Variants in ELP4 observed in about 807,000 individuals in gnomAD.
ELP4 encodes the protein elongator acetyltransferase complex subunit 4.
ELP4 carries 51 observed loss-of-function variants against 48.9 expected under a neutral mutation model. The observed-to-expected ratio is 1.04, with a 90% confidence interval of 0.83 to 1.32. The LOEUF is 1.32. Ranked by LOEUF, ELP4 falls within the 40% of genes most tolerant of loss-of-function variation. The pLI is 0.00. For synonymous variants in ELP4, 210 were observed against 189.2 expected (o/e 1.11, Z -0.90); for missense variants, 519 against 514.6 (o/e 1.01, Z -0.08).
chr11:31,752,602 A>T (rs1049074301), intron 9 of ELP4, among the ~76,000 whole-genome samples: 1 of 152,096 alleles, frequency 6.6e-6, no homozygotes, highest in Non-Finnish European at 1.5e-5. Context: ...TGGGAGGCCG[A>T]GGCGGACGGA....
Position 31,543,988 on chromosome 11 carries a change from A to T in ELP4, c.381+4205A>T, listed in dbSNP as rs933183611. 3.3e-5 allele frequency among the ~76,000 whole-genome samples: 5 copies of T among 152,254 alleles called. No individual in the cohort carries two copies. In the East Asian group the frequency reaches 9.6e-4, roughly 29 times the overall value. ...AAGTTTTTCACAAAAAAATCAAAAT[A>T]ATGCCAAATGTGGAAAAAGATCGGG... On this transcript the variant is annotated intron_variant, in intron 3 of 9. Coordinates refer to ENST00000640961, the MANE Select transcript of ELP4 (RefSeq NM_019040.5).
intron 3 of ELP4, among the ~76,000 whole-genome samples, chr11:31,586,646 T>G (rs1029749851): frequency 6.6e-6 from 1 of 150,786 alleles, no homozygotes; most frequent in Non-Finnish European, 1.5e-5. Flanking sequence ...GTTTTTTGGT[T>G]TTTTTTTTTG....
At chr11:31,518,978 A>T (rs914873837) in intron 1 of ELP4, among the ~76,000 whole-genome samples, 3 of 150,470 alleles carry the variant, frequency 2.0e-5, no homozygotes, top group East Asian at 3.9e-4. Context: ...CATGCAGATT[A>T]TTTTTTTTGT....
chr11:31,522,676 T>C (rs144786045), intron 2 of ELP4, among the ~76,000 whole-genome samples: 169 of 152,304 alleles, frequency 1.1e-3, no homozygotes, highest in African/African-American at 3.9e-3. Context: ...ACTTGCTTCA[T>C]TGCAGCATGT....
chr11:31,646,236 C>G (rs746980156), intron 7 of ELP4: 1 of 151,704 alleles, frequency 6.6e-6, no homozygotes, highest in African/African-American at 2.4e-5. Flanking sequence ...AGTGTGCCCA[C>G]GTGATTGAAC....
At chr11:31,627,061 C>A in intron 5 of ELP4, 49 bp from the exon 6 acceptor site, 1 of 1,013,734 alleles carries the variant, frequency 9.9e-7, no homozygotes, top group Non-Finnish European at 1.6e-6. Context: ...TTGTGTACTT[C>A]TTATGTAATA....
At chr11:31,524,325 T>C (rs1312606298) in intron 2 of ELP4, among the ~76,000 whole-genome samples, 2 of 152,234 alleles carry the variant, frequency 1.3e-5, no homozygotes, top group African/African-American at 4.8e-5. Context: ...CTATCTGCTT[T>C]CAAGCTCGTG....
chr11:31,580,127 C>G lies in ELP4; in HGVS notation c.382-14643C>G, dbSNP rs537561631. ...TGATTTCTTTCCTGTAGTGTTACAA[C>G]TCCCGCTTCAGAGAAGGCCTCTTGG... On this transcript the variant is annotated intron_variant, in intron 3 of 9. Transcript: ENST00000640961. Among the ~76,000 whole-genome samples, 16 of 152,236 alleles carry G rather than the reference C, an allele frequency of 1.1e-4. 1 individual carries two copies. In the South Asian group the frequency reaches 3.3e-3, roughly 32 times the overall value.
intron 3 of ELP4, among the ~76,000 whole-genome samples, chr11:31,545,559 T>C (rs1956689146): frequency 6.6e-6 from 1 of 152,188 alleles, no homozygotes; most frequent in Non-Finnish European, 1.5e-5. Flanking sequence ...GAAAACACTC[T>C]GCAGGATATT....
At chr11:31,652,458 G>C (rs1945340675) in intron 9 of ELP4, 1 of 151,646 alleles carries the variant, frequency 6.6e-6, no homozygotes, top group African/African-American at 2.4e-5. Flanking sequence ...GCAAGTCTTT[G>C]TAATATATTA....
intron 5 of ELP4, among the ~76,000 whole-genome samples, chr11:31,623,258 C>G (rs1201099603): frequency 6.7e-6 from 1 of 148,506 alleles, no homozygotes; most frequent in Non-Finnish European, 1.5e-5. Flanking sequence ...GCCTACACTA[C>G]TAAACACACA....
At chr11:31,524,606 A>C (rs1956269348) in intron 2 of ELP4, among the ~76,000 whole-genome samples, 2 of 152,352 alleles carry the variant, frequency 1.3e-5, no homozygotes, top group South Asian at 4.1e-4. Flanking sequence ...GGACCACCTT[A>C]GAATGTGTTC....
intron 3 of ELP4, among the ~76,000 whole-genome samples, chr11:31,549,771 A>G (rs982824765): frequency 6.6e-6 from 1 of 152,254 alleles, no homozygotes; most frequent in Non-Finnish European, 1.5e-5. Context: ...GATTAAGAAA[A>G]TGTGGCACAT....
intron 9 of ELP4, among the ~76,000 whole-genome samples, chr11:31,766,104 A>G (rs1026531685): frequency 3.3e-5 from 5 of 152,084 alleles, no homozygotes; most frequent in Non-Finnish European, 7.4e-5. Context: ...AAAAATTGTT[A>G]GGGAATCAAA....
At chr11:31,779,472 CAGAA>C (rs1242121542) in intron 9 of ELP4, among the ~76,000 whole-genome samples, 1 of 152,122 alleles carries the variant, frequency 6.6e-6, no homozygotes, top group Non-Finnish European at 1.5e-5. Flanking sequence ...GCTGCTGACT[CAGAA>C]GGAACAAAAT....
chr11:31,512,305 C>T (rs541237165), intron 1 of ELP4: 5 of 152,090 alleles, frequency 3.3e-5, no homozygotes, highest in Admixed American at 2.0e-4. Context: ...CCGTGTAGTA[C>T]GGTGACATTT....
intron 7 of ELP4, among the ~76,000 whole-genome samples, chr11:31,639,808 T>TA (rs891194119): frequency 5.3e-5 from 8 of 151,830 alleles, no homozygotes; most frequent in Non-Finnish European, 7.4e-5. Context: ...CAGTAAACCA[T>TA]AAAAAAAATT....
chr11:31,575,640 A>T (rs539637204), intron 3 of ELP4, among the ~76,000 whole-genome samples: 1 of 152,364 alleles, frequency 6.6e-6, no homozygotes, highest in South Asian at 2.1e-4. Flanking sequence ...AATATTCAAC[A>T]TTCTTAAAGA....
intron 9 of ELP4, among the ~76,000 whole-genome samples, chr11:31,665,596 A>C (rs889421429): frequency 1.3e-5 from 2 of 150,966 alleles, no homozygotes; most frequent in Admixed American, 6.6e-5. Flanking sequence ...GACTCTTGCC[A>C]GTTCTTGAAA....
Sources: gnomAD v4.1 joint callset for allele counts (sites outside exome capture counted in the v4.1 genomes callset) on GRCh38, gnomAD v4.1.1 for gene constraint, MANE v1.5 for transcripts, NCBI Gene and HGNC (gene_info 2026-07-23, HGNC 2026-07-21) for gene names.